STPG2: variants seen among roughly 807,000 people sequenced by gnomAD.
STPG2 encodes sperm tail PG-rich repeat containing 2.
STPG2 carries 56 observed loss-of-function variants against 54.2 expected under a neutral mutation model. The observed-to-expected ratio is 1.03, with a 90% CI of 0.83 to 1.29. The LOEUF (loss-of-function observed/expected upper bound fraction) is 1.29. Among genes scored for constraint, STPG2 ranks in the 50% most tolerant of loss-of-function variants. The pLI is 0.00. For missense variants in STPG2, 596 were observed against 544.9 expected, an observed-to-expected ratio of 1.09 and a Z score of -0.93; for synonymous variants, 200 against 181.8, an observed-to-expected ratio of 1.10 and a Z score of -0.81.
chr4:97,962,391 C>G (rs1000963895), intron 7 of STPG2, among the ~76,000 whole-genome samples: 1 of 151,942 alleles, frequency 6.6e-6, no homozygotes, highest in Admixed American at 6.6e-5. Flanking sequence ...AACAAATGGA[C>G]CAATACAATA....
chr4:98,128,769 AC>A (rs1739902975), intron 2 of STPG2, among the ~76,000 whole-genome samples, 177 bp from the exon 3 acceptor site: 1 of 152,090 alleles, frequency 6.6e-6, no homozygotes, highest in Admixed American at 6.6e-5. Context: ...TCACTCTGTC[AC>A]CCAGGCTGGA....
chr4:97,490,848 TA>T (rs1730488740), intron 4 of STPG2, among the ~76,000 whole-genome samples: 1 of 151,624 alleles, frequency 6.6e-6, no homozygotes, highest in Non-Finnish European at 1.5e-5. Flanking sequence ...TCCCATTTCC[TA>T]AACACCAGTC....
chr4:98,110,816 G>A (rs1259591678), intron 3 of STPG2, among the ~76,000 whole-genome samples: 1 of 152,024 alleles, frequency 6.6e-6, no homozygotes. Flanking sequence ...AGTTGTTCTA[G>A]GTGGCTATTA....
intron 5 of STPG2, among the ~76,000 whole-genome samples, chr4:98,016,722 A>C (rs1735957441): frequency 6.6e-6 from 1 of 152,102 alleles, no homozygotes; most frequent in Admixed American, 6.6e-5. Context: ...AGCTTCTTTA[A>C]CACAATGGTT....
chr4:97,828,436 G>A (rs1047442105), intron 9 of STPG2, among the ~76,000 whole-genome samples: 5 of 152,144 alleles, frequency 3.3e-5, no homozygotes, highest in African/African-American at 9.7e-5. Flanking sequence ...TCAGGGCCCA[G>A]GGTTTCAAGC....
intron 10 of STPG2, among the ~76,000 whole-genome samples, chr4:97,705,387 G>A (rs918420806): frequency 5.3e-5 from 8 of 151,502 alleles, no homozygotes; most frequent in Admixed American, 2.6e-4. Flanking sequence ...GTGCAGTGGC[G>A]CGATCTCGGC....
chr4:97,634,216 C>T (rs1441545464), intron 10 of STPG2, among the ~76,000 whole-genome samples: 1 of 152,104 alleles, frequency 6.6e-6, no homozygotes, highest in African/African-American at 2.4e-5. Flanking sequence ...TGGGAGGCAC[C>T]CTCCAGCAGG....
intron 10 of STPG2, among the ~76,000 whole-genome samples, chr4:97,636,941 G>T (rs1445637200): frequency 6.6e-6 from 1 of 152,040 alleles, no homozygotes; most frequent in Non-Finnish European, 1.5e-5. Context: ...CATTCCTTCT[G>T]AACCTATTCC....
At chr4:97,540,517 C>T (rs766976807) in intron 4 of STPG2, among the ~76,000 whole-genome samples, 2 of 152,070 alleles carry the variant, frequency 1.3e-5, no homozygotes, top group Non-Finnish European at 2.9e-5. Flanking sequence ...CAGGAGCAGA[C>T]GGATTCACAG....
intron 10 of STPG2, among the ~76,000 whole-genome samples, chr4:97,628,545 A>C (rs1264641172): frequency 6.6e-6 from 1 of 152,166 alleles, no homozygotes; most frequent in Non-Finnish European, 1.5e-5. Flanking sequence ...AATATTTATT[A>C]AATGTTTATT....
intron 10 of STPG2, among the ~76,000 whole-genome samples, chr4:97,666,462 G>A (rs1298821266): frequency 6.6e-6 from 1 of 152,162 alleles, no homozygotes; most frequent in African/African-American, 2.4e-5. Flanking sequence ...ATGCCTTTTA[G>A]ATTTTCTGAT....
intron 5 of STPG2, among the ~76,000 whole-genome samples, chr4:97,988,026 TCACA>T (rs3047311): frequency 0.07 from 9,844 of 141,402 alleles, 335 homozygotes; most frequent in African/African-American, 0.088. Context: ...GGTCTGAATG[TCACA>T]CACACACACA....
intron 10 of STPG2, among the ~76,000 whole-genome samples, chr4:97,704,766 G>T (rs1252302399): frequency 6.6e-6 from 1 of 152,164 alleles, no homozygotes. Flanking sequence ...AAGTGAGTTT[G>T]TAAACGGAGA....
At chr4:97,692,307 A>AG (rs1723394635) in intron 10 of STPG2, among the ~76,000 whole-genome samples, 1 of 151,702 alleles carries the variant, frequency 6.6e-6, no homozygotes, top group Non-Finnish European at 1.5e-5. Context: ...TGAAAAAAAA[A>AG]AAAAAAAAAC....
At chr4:97,597,905 AT>A (rs1733341793) in intron 10 of STPG2, among the ~76,000 whole-genome samples, 1 of 152,180 alleles carries the variant, frequency 6.6e-6, no homozygotes, top group African/African-American at 2.4e-5. Flanking sequence ...AGAGAAAGAA[AT>A]AAAAGGCATC....
chr4:98,012,369 G>A (rs796289993), intron 5 of STPG2, among the ~76,000 whole-genome samples: 59 of 152,310 alleles, frequency 3.9e-4, no homozygotes, highest in African/African-American at 1.3e-3. Context: ...AGTATAGTGT[G>A]AAGTCAAGTA....
intron 10 of STPG2, among the ~76,000 whole-genome samples, chr4:97,575,152 C>T (rs1289724483): frequency 6.6e-6 from 1 of 151,800 alleles, no homozygotes; most frequent in Non-Finnish European, 1.5e-5. Context: ...AAAAAAAAAC[C>T]TAACAATGAA....
chr4:97,828,512 C>T (rs960165470), intron 9 of STPG2, among the ~76,000 whole-genome samples: 1 of 151,872 alleles, frequency 6.6e-6, no homozygotes, highest in Non-Finnish European at 1.5e-5. Flanking sequence ...TTTTCCATAT[C>T]CCAATGGCAA....
chr4:97,876,685 T>C (rs1730183256), intron 8 of STPG2, among the ~76,000 whole-genome samples: 1 of 152,068 alleles, frequency 6.6e-6, no homozygotes, highest in Admixed American at 6.6e-5. Flanking sequence ...TTTTAAAAAG[T>C]TTTTTTAATT....
Sources: allele counts gnomAD v4.1 joint callset (sites outside exome capture counted in the v4.1 genomes callset), GRCh38; gene constraint gnomAD v4.1.1; transcripts MANE v1.5; gene names NCBI Gene and HGNC (gene_info 2026-07-23, HGNC 2026-07-21).